The following RBM47 variants were observed in gnomAD, a reference collection of about 807,000 sequenced individuals.
RBM47 encodes the protein RNA binding motif protein 47, also known as RNA-binding protein 47.
A neutral mutation model predicts 47.1 loss-of-function variants in RBM47; 21 were observed. The observed-to-expected ratio is 0.45, with a 90% CI of 0.32 to 0.64. The LOEUF (loss-of-function observed/expected upper bound fraction) is 0.64. Among genes scored for constraint, RBM47 ranks in the 30% least tolerant of loss-of-function variants. The pLI, the probability that RBM47 is intolerant of heterozygous loss-of-function variation, is 0.05. For synonymous variants in RBM47, 375 were observed against 361.7 expected (o/e 1.04, Z -0.42); for missense variants, 708 against 870.9 (o/e 0.81, Z 2.35).
Position 40,423,713 on chromosome 4 carries a change from T to TTTTC in RBM47, c.*2187_*2190dup, listed in dbSNP as rs1209728957. The TTTTC allele has an allele frequency of 9.3e-3, 724 of 78,192 alleles. 15 individuals are homozygous for TTTTC. Among genetic ancestry groups the TTTTC allele is most frequent in the East Asian group, 0.074 (116 of 1,578 alleles). The allele number at this position is 78,192 out of a possible 1,614,324, so 4.8% of individuals were successfully genotyped here. On this transcript the variant is annotated 3_prime_UTR_variant, in exon 7 of 7. Transcript: ENST00000295971. ...CTTTCTTTCTTTCTTTCTTTCTTTC[T>TTTTC]TTTCTTTCTTTTCTTTCTTCCTCTT...
intron 1 of RBM47, among the ~76,000 whole-genome samples, chr4:40,603,123 C>T (rs533095140): frequency 1.2e-4 from 18 of 152,286 alleles, no homozygotes; most frequent in South Asian, 8.3e-4. Flanking sequence ...ATATAGTCAT[C>T]GCCCACCAAA....
intron 2 of RBM47, among the ~76,000 whole-genome samples, chr4:40,479,075 G>T (rs1720031905): frequency 6.6e-6 from 1 of 152,216 alleles, no homozygotes; most frequent in South Asian, 2.1e-4. Flanking sequence ...AGCAATAATA[G>T]TTGGCTAAGA....
intron 1 of RBM47, among the ~76,000 whole-genome samples, chr4:40,622,755 G>A (rs1737380868): frequency 1.3e-5 from 2 of 152,208 alleles, no homozygotes; most frequent in African/African-American, 4.8e-5. Context: ...GGTGGTGCAT[G>A]TCTGTAATCC....
chr4:40,620,130 A>G (rs2154281196), intron 1 of RBM47, among the ~76,000 whole-genome samples: 1 of 140,676 alleles, frequency 7.1e-6, no homozygotes, highest in Non-Finnish European at 1.5e-5. Context: ...AGGGAGGCGG[A>G]GTTTGCAGTG....
rs1240453949 is a variant in RBM47 at position 40,528,946 on chromosome 4, AAAAAAATAAAT to A, written c.-155+15465_-155+15475del. Among the ~76,000 whole-genome samples, 96 of 103,760 alleles carry A rather than the reference AAAAAAATAAAT, an allele frequency of 9.3e-4. No individual in the cohort carries two copies. In the Middle Eastern group the frequency reaches 0.016, roughly 18 times the overall value. 68.1% of individuals were successfully genotyped at this position (103,760 alleles called of 152,430 possible). On this transcript the variant is annotated intron_variant, in intron 2 of 6. Coordinates refer to ENST00000295971, the MANE Select transcript of RBM47 (RefSeq NM_001098634.2). ...CGACAGAGCGAGACTCCGTCTCAAA[AAAAAAATAAAT>A]AAATAAATAAATAAATAAATAAATA... is the stretch of plus-strand genomic sequence containing the variant.
chr4:40,515,967 T>A (rs1270936087), intron 2 of RBM47: 2 of 152,260 alleles, frequency 1.3e-5, no homozygotes, highest in African/African-American at 2.4e-5. Context: ...TCCTCCTGGG[T>A]CTGACTGACT....
At chr4:40,437,035 T>C (rs1712576265) in intron 4 of RBM47, 2 of 237,346 alleles carry the variant, frequency 8.4e-6, no homozygotes, top group Non-Finnish European at 1.6e-5. Context: ...AGCCCAGGGG[T>C]TCAAGACCAG....
At chr4:40,546,077 A>C (rs1016730177) in intron 1 of RBM47, among the ~76,000 whole-genome samples, 1 of 152,194 alleles carries the variant, frequency 6.6e-6, no homozygotes, top group African/African-American at 2.4e-5. Flanking sequence ...TCACCTTGGA[A>C]GCCCTCTACA....
chr4:40,528,949 A>ATAAATAAAT (rs57303226), intron 2 of RBM47, among the ~76,000 whole-genome samples: 9,477 of 87,872 alleles, frequency 0.11, 340 homozygotes, highest in Non-Finnish European at 0.13. Flanking sequence ...TCTCAAAAAA[A>ATAAATAAAT]AAATAAATAA....
chr4:40,504,278 T>G (rs1723786217), intron 2 of RBM47, among the ~76,000 whole-genome samples: 1 of 150,098 alleles, frequency 6.7e-6, no homozygotes. Context: ...GGTATCTCTC[T>G]GTTGTTTCCT....
chr4:40,563,788 T>C (rs1730849474), intron 1 of RBM47, among the ~76,000 whole-genome samples: 2 of 152,158 alleles, frequency 1.3e-5, no homozygotes, highest in Non-Finnish European at 2.9e-5. Flanking sequence ...AAAACTGCAG[T>C]GGTAGGGCCC....
chr4:40,587,967 G>A (rs928915287), intron 1 of RBM47, among the ~76,000 whole-genome samples: 2 of 152,152 alleles, frequency 1.3e-5, no homozygotes, highest in Admixed American at 6.5e-5. Context: ...CAACACCATG[G>A]GTAATATTGC....
chr4:40,614,029 T>A (rs1197204673), intron 1 of RBM47, among the ~76,000 whole-genome samples: 3 of 151,494 alleles, frequency 2.0e-5, no homozygotes, highest in African/African-American at 7.3e-5. Context: ...ACCAAAAACA[T>A]CTCCAGACAT....
rs138288113 is a variant in RBM47, at chr4:40,568,135, C to T, written c.-239-23629G>A. Among the ~76,000 whole-genome samples the T allele has an allele frequency of 1.3e-3, 196 of 151,636 alleles. 5 individuals are homozygous for T. In the East Asian group the frequency reaches 0.024, roughly 18 times the overall value. ...CTCAAAAACAAAAAAAAAGTGTTGTCCCAGGCCAGGCATGGTGGCTCACAT... is the reference window on the plus strand; with the variant it reads ...CTCAAAAACAAAAAAAAAGTGTTGTTCCAGGCCAGGCATGGTGGCTCACAT... On this transcript the variant is annotated intron_variant, in intron 1 of 6. Coordinates refer to ENST00000295971, the MANE Select transcript of RBM47 (RefSeq NM_001098634.2).
chr4:40,602,038 C>T (rs57041334), intron 1 of RBM47, among the ~76,000 whole-genome samples: 4,511 of 151,884 alleles, frequency 0.03, 221 homozygotes, highest in African/African-American at 0.099. Context: ...GTGTGGTGGT[C>T]GGCACCTGTA....
chr4:40,578,341 G>C (rs1391605257), intron 1 of RBM47, among the ~76,000 whole-genome samples: 1 of 152,128 alleles, frequency 6.6e-6, no homozygotes, highest in Non-Finnish European at 1.5e-5. Context: ...ACTTTATAAA[G>C]CCAAGCTCTT....
chr4:40,467,621 C>G (rs114034881), intron 2 of RBM47, among the ~76,000 whole-genome samples: 2,121 of 151,964 alleles, frequency 0.014, 23 homozygotes, highest in Middle Eastern at 0.031. Context: ...ATGTTCATCG[C>G]ATGGAGAGGC....
Position 40,626,909 on chromosome 4 carries a change from T to C in RBM47, c.-240+2487A>G, listed in dbSNP as rs148562665. On this transcript the variant is annotated intron_variant, in intron 1 of 6. Transcript: ENST00000295971. ...CTTGAGGTGGCAACTGAGCAATTAG[T>C]TACTGATCATTTCTATGACAATTCT... 1.9e-3 allele frequency among the ~76,000 whole-genome samples: 283 copies of C among 152,302 alleles called. 1 individual carries two copies. Among genetic ancestry groups the C allele is most frequent in the African/African-American group, 6.5e-3 (269 of 41,562 alleles).
rs1712952967 is a variant in RBM47 at position 40,437,986 on chromosome 4, C to T, written c.908G>A (p.Gly303Asp). The change falls in exon 4 of 7, where the codon GGC (glycine) becomes GAC (aspartate). Residue 303 changes from glycine (G) to aspartate (D), a missense_variant. Gly to Asp is a moderately conservative substitution (Grantham distance 94). Transcript: ENST00000295971. Reference protein sequence around the residue: ...DAVHAMNNLNGTELEGSCLEV... With the variant: ...DAVHAMNNLNDTELEGSCLEV... Reference sequence around the variant, plus strand: ...CAGGCACGAGCCCTCCAGCTCAGTGCCGTTGAGGTTGTTCATGGCATGCAC... The same window carrying T: ...CAGGCACGAGCCCTCCAGCTCAGTGTCGTTGAGGTTGTTCATGGCATGCAC... The T allele has an allele frequency of 6.2e-7, 1 of 1,613,520 alleles. No homozygotes were observed. Among genetic ancestry groups the T allele is most frequent in the East Asian group, 2.2e-5 (1 of 44,882 alleles).
Sources: allele counts gnomAD v4.1 joint callset (sites outside exome capture counted in the v4.1 genomes callset), GRCh38; gene constraint gnomAD v4.1.1; transcripts MANE v1.5; gene names NCBI Gene and HGNC (gene_info 2026-07-23, HGNC 2026-07-21).